Variants in ATG10 observed in about 807,000 individuals in gnomAD.
ATG10 encodes the protein autophagy related 10.
In ATG10, 30 loss-of-function variants were observed where a neutral mutation model predicts 32.1. That is an observed-to-expected ratio of 0.94 (90% CI 0.70 to 1.27). The LOEUF is 1.27. Among genes scored for constraint, ATG10 ranks in the 50% most tolerant of loss-of-function variants. The pLI is 0.00. For missense variants in ATG10, 233 were observed against 262.3 expected (o/e 0.89, Z 0.77); for synonymous variants, 87 against 91.5 (o/e 0.95, Z 0.28).
intron 5 of ATG10, among the ~76,000 whole-genome samples, chr5:82,244,855 A>G (rs900837516): frequency 6.6e-6 from 1 of 152,244 alleles, no homozygotes; most frequent in South Asian, 2.1e-4. Flanking sequence ...ATGAGGAAAT[A>G]TGCCTATATA....
intron 4 of ATG10, among the ~76,000 whole-genome samples, chr5:82,171,082 A>G (rs973099280): frequency 2.6e-5 from 4 of 152,180 alleles, no homozygotes; most frequent in African/African-American, 4.8e-5. Flanking sequence ...TGTGGACCCA[A>G]TGTTGCTTCC....
intron 3 of ATG10, among the ~76,000 whole-genome samples, chr5:82,100,043 C>G (rs1011190162): frequency 8.8e-6 from 1 of 113,352 alleles, no homozygotes; most frequent in African/African-American, 3.5e-5. Flanking sequence ...GAGTCTCGCT[C>G]TGTTGCCCAG....
chr5:82,094,180 C>A (rs1181364252), intron 3 of ATG10, among the ~76,000 whole-genome samples: 18 of 152,146 alleles, frequency 1.2e-4, no homozygotes. Context: ...AGGCAATAAT[C>A]TGGATAATTT....
intron 3 of ATG10, among the ~76,000 whole-genome samples, chr5:82,112,216 T>C (rs150925189): frequency 5.9e-5 from 9 of 151,976 alleles, no homozygotes; most frequent in Non-Finnish European, 1.3e-4. Flanking sequence ...GTCCACTGCA[T>C]CTTTCTCCTC....
chr5:82,052,194 G>T (rs1763450982), intron 2 of ATG10, among the ~76,000 whole-genome samples: 1 of 152,094 alleles, frequency 6.6e-6, no homozygotes, highest in Non-Finnish European at 1.5e-5. Context: ...TAGACCCTTA[G>T]ATAACCACCC....
At position 82,198,091 on chromosome 5, in the gene ATG10, A is replaced by C. The variant is rs146757393; in HGVS notation, c.453+19504A>C. Among the ~76,000 whole-genome samples the C allele has an allele frequency of 2.4e-4, 36 of 152,276 alleles. No individual in the cohort carries two copies. The East Asian group carries it at 6.7e-3, about 29-fold the overall frequency. ...TAAGGGGATTTAGCTGGTAATGCAG[A>C]GTATTTTCCTTGAGATTTTCATTTA... On this transcript the variant is annotated intron_variant, in intron 5 of 7. Transcript: ENST00000282185.
At chr5:82,090,878 A>T (rs1764859956) in intron 3 of ATG10, among the ~76,000 whole-genome samples, 1 of 152,232 alleles carries the variant, frequency 6.6e-6, no homozygotes, top group Non-Finnish European at 1.5e-5. Context: ...TAATTAGAAA[A>T]TGATTTTAAA....
chr5:82,189,397 G>A (rs1744573081), intron 5 of ATG10, among the ~76,000 whole-genome samples: 1 of 152,088 alleles, frequency 6.6e-6, no homozygotes, highest in African/African-American at 2.4e-5. Flanking sequence ...ATTCTAGATC[G>A]ATCATTTCAC....
chr5:82,109,461 TC>T (rs1765544042), intron 3 of ATG10, among the ~76,000 whole-genome samples: 1 of 152,050 alleles, frequency 6.6e-6, no homozygotes, highest in African/African-American at 2.4e-5. Flanking sequence ...ATCTGTGAAC[TC>T]TTAACTTTGA....
At chr5:82,172,616 C>T (rs1399917467) in intron 4 of ATG10, among the ~76,000 whole-genome samples, 1 of 152,108 alleles carries the variant, frequency 6.6e-6, no homozygotes, top group African/African-American at 2.4e-5. Context: ...TTCAAGGGTA[C>T]ATAGAAAACT....
intron 3 of ATG10, among the ~76,000 whole-genome samples, chr5:82,153,487 A>G (rs1159589250): frequency 3.9e-5 from 6 of 152,146 alleles, no homozygotes; most frequent in African/African-American, 1.4e-4. Context: ...CAGAGGTGAC[A>G]GGGGTGACAG....
intron 3 of ATG10, among the ~76,000 whole-genome samples, chr5:82,123,892 C>T (rs985559008): frequency 6.6e-6 from 1 of 151,794 alleles, no homozygotes; most frequent in African/African-American, 2.4e-5. Flanking sequence ...GCTGTGATTG[C>T]ACCACTGCAC....
chr5:82,013,852 G>GT (rs948690648), intron 2 of ATG10, among the ~76,000 whole-genome samples: 6 of 150,246 alleles, frequency 4.0e-5, no homozygotes, highest in Non-Finnish European at 8.9e-5. Flanking sequence ...TGATGGGATT[G>GT]TTTTTTTTTC....
intron 3 of ATG10, among the ~76,000 whole-genome samples, chr5:82,146,472 G>A (rs1331210566): frequency 1.3e-5 from 2 of 151,938 alleles, no homozygotes; most frequent in Non-Finnish European, 2.9e-5. Flanking sequence ...TGTCAAGTTT[G>A]AGGAGTTTTC....
chr5:81,993,349 TTCTTTCTTTCC>T (rs1198702979), intron 2 of ATG10, among the ~76,000 whole-genome samples: 68 of 35,770 alleles, frequency 1.9e-3, no homozygotes, highest in Non-Finnish European at 2.9e-3. Context: ...CTTTCTTTCT[TTCTTTCTTTCC>T]TTCTTTTCTT....
intron 5 of ATG10, among the ~76,000 whole-genome samples, chr5:82,182,171 G>A (rs1744261041): frequency 6.6e-6 from 1 of 152,142 alleles, no homozygotes; most frequent in African/African-American, 2.4e-5. Flanking sequence ...GTGTTTATGT[G>A]CAGGGTGTAT....
intron 3 of ATG10, among the ~76,000 whole-genome samples, chr5:82,119,004 T>A (rs973103407): frequency 6.6e-6 from 1 of 152,186 alleles, no homozygotes; most frequent in African/African-American, 2.4e-5. Flanking sequence ...GACCAGAGAT[T>A]TCTGGAATAT....
chr5:82,130,902 C>G (rs1766493154), intron 3 of ATG10, among the ~76,000 whole-genome samples: 1 of 152,116 alleles, frequency 6.6e-6, no homozygotes, highest in Non-Finnish European at 1.5e-5. Flanking sequence ...CATTCACAGT[C>G]AATCATCATG....
intron 5 of ATG10, among the ~76,000 whole-genome samples, chr5:82,249,350 C>G (rs968213783): frequency 2.0e-5 from 3 of 152,126 alleles, no homozygotes; most frequent in Admixed American, 1.3e-4. Context: ...CACTTAGATA[C>G]TGGTCAGTGA....
Sources: allele counts gnomAD v4.1 joint callset (sites outside exome capture counted in the v4.1 genomes callset), GRCh38; gene constraint gnomAD v4.1.1; transcripts MANE v1.5; gene names NCBI Gene and HGNC (gene_info 2026-07-23, HGNC 2026-07-21).